COP1: variants seen among roughly 807,000 people sequenced by gnomAD.
The protein encoded by COP1 is E3 ubiquitin-protein ligase COP1.
Under a neutral mutation model 101.3 loss-of-function variants are expected in COP1, and 24 were observed. The ratio of observed to expected loss-of-function variants is 0.24; its 90% CI spans 0.17 to 0.33. COP1 has a LOEUF of 0.33. Among genes scored for constraint, COP1 ranks in the 10% least tolerant of loss-of-function variants. COP1 has a pLI of 1.00. For synonymous variants in COP1, 347 were observed against 341.9 expected (o/e 1.01, Z -0.17); for missense variants, 663 against 906.2 (o/e 0.73, Z 3.45).
intron 9 of COP1, among the ~76,000 whole-genome samples, chr1:176,100,998 A>G (rs567879119): frequency 1.1e-4 from 16 of 152,270 alleles, no homozygotes; most frequent in African/African-American, 3.9e-4. Context: ...GGTTAGTGTG[A>G]CTGATTCTTA....
intron 15 of COP1, among the ~76,000 whole-genome samples, chr1:176,015,180 G>A (rs1665406094): frequency 6.6e-6 from 1 of 152,140 alleles, no homozygotes; most frequent in South Asian, 2.1e-4. Context: ...AATGTAGGAT[G>A]AATCTAGAGA....
chr1:176,202,381 G>A (rs1296519426), intron 1 of COP1, among the ~76,000 whole-genome samples: 1 of 151,872 alleles, frequency 6.6e-6, no homozygotes, highest in Non-Finnish European at 1.5e-5. Flanking sequence ...TAGAGATGGG[G>A]TTTCGTCATG....
intron 15 of COP1, among the ~76,000 whole-genome samples, chr1:175,994,171 A>G (rs1306370081): frequency 5.3e-5 from 8 of 152,192 alleles, no homozygotes; most frequent in Non-Finnish European, 1.2e-4. Context: ...GAGAAATAAA[A>G]TACTTTACAG....
chr1:176,091,492 C>G lies in COP1; in HGVS notation c.1027-5602G>C, dbSNP rs536859873. On this transcript the variant is annotated intron_variant, in intron 9 of 19. Transcript: ENST00000367669. ...AGTGATTCTAAATATTACTATTAATCGTCATATCTAGTTTATGGGGCTTAA... is the reference window on the plus strand; with the variant it reads ...AGTGATTCTAAATATTACTATTAATGGTCATATCTAGTTTATGGGGCTTAA... Among the ~76,000 whole-genome samples the G allele has an allele frequency of 2.6e-5, 4 of 152,130 alleles. No individual in the cohort carries two copies. The East Asian group carries it at 7.7e-4, about 29-fold the overall frequency.
At chr1:175,959,247 T>C (rs1402838152) in intron 18 of COP1, among the ~76,000 whole-genome samples, 2 of 151,928 alleles carry the variant, frequency 1.3e-5, no homozygotes, top group Non-Finnish European at 2.9e-5. Context: ...AGCAGTAATA[T>C]ACTTTAGCAT....
At chr1:176,049,782 A>G (rs150002743) in intron 11 of COP1, among the ~76,000 whole-genome samples, 61 of 152,336 alleles carry the variant, frequency 4.0e-4, no homozygotes, top group Admixed American at 3.9e-3. Context: ...AAAGCTTTCT[A>G]GAACTAATAC....
intron 10 of COP1, among the ~76,000 whole-genome samples, chr1:176,083,422 C>G (rs1217218465): frequency 3.3e-5 from 5 of 151,622 alleles, no homozygotes; most frequent in African/African-American, 1.2e-4. Flanking sequence ...AACAATAAAA[C>G]TAGTTTTTTC....
intron 1 of COP1, among the ~76,000 whole-genome samples, chr1:176,196,881 CAA>C (rs1251212971): frequency 7.4e-5 from 5 of 67,800 alleles, no homozygotes; most frequent in African/African-American, 5.5e-5. Flanking sequence ...TGTCTCTACG[CAA>C]AAAAAAAAAA....
Position 176,018,522 on chromosome 1 carries a change from ACT to A in COP1, c.1729+9048_1729+9049del, listed in dbSNP as rs773417825. ...ACAAGTAGGAATCAGAACCCTTTTT[ACT>A]CTTTTTTTCTCCCTGTCTGCTTGAG... On this transcript the variant is annotated intron_variant, in intron 15 of 19. Transcript: ENST00000367669. 3.3e-5 allele frequency: 5 copies of A among 151,670 alleles called. No individual in the cohort carries two copies. In the East Asian group the frequency reaches 9.8e-4, roughly 30 times the overall value. The allele number at this position is 151,670 out of a possible 1,614,324, so 9.4% of individuals were successfully genotyped here.
intron 9 of COP1, among the ~76,000 whole-genome samples, chr1:176,104,892 T>C (rs1684053660): frequency 2.0e-5 from 3 of 152,298 alleles, no homozygotes; most frequent in Admixed American, 1.3e-4. Context: ...TGCGTACTTG[T>C]CATTATATAA....
At chr1:176,206,226 A>G (rs1700835679) in intron 1 of COP1, 1 of 282,944 alleles carries the variant, frequency 3.5e-6, no homozygotes, top group Admixed American at 5.8e-5. Context: ...TCAGAGAGGC[A>G]AAAATTTTAA....
In COP1 at chr1:176,145,212, T is replaced by TA. The variant is rs1012814951; in HGVS notation, c.831+3793dup. Among the ~76,000 whole-genome samples, 4 of 151,906 alleles carry TA rather than the reference T, an allele frequency of 2.6e-5. 1 individual carries two copies. Among genetic ancestry groups the TA allele is most frequent in the East Asian group, 3.9e-4 (2 of 5,170 alleles). On this transcript the variant is annotated intron_variant, in intron 6 of 19. Coordinates refer to ENST00000367669, the MANE Select transcript of COP1 (RefSeq NM_022457.7). ...TAAACAATTACTTCACACACAAACA[T>TA]AAAAAAACCCAAATGGCCAATCAAT... is the stretch of plus-strand genomic sequence containing the variant.
At chr1:176,099,059 TGTTAA>T (rs1399299959) in intron 9 of COP1, among the ~76,000 whole-genome samples, 1 of 152,244 alleles carries the variant, frequency 6.6e-6, no homozygotes, top group Non-Finnish European at 1.5e-5. Context: ...AAGGTTGTTA[TGTTAA>T]GTTATTGTAA....
intron 14 of COP1, among the ~76,000 whole-genome samples, chr1:176,032,118 G>T (rs979999450): frequency 4.6e-5 from 7 of 152,142 alleles, no homozygotes; most frequent in African/African-American, 1.4e-4. Context: ...ATGCTTTAAT[G>T]AGGATGTGCA....
At chr1:176,024,407 C>CA (rs900695074) in intron 15 of COP1, among the ~76,000 whole-genome samples, 6 of 151,812 alleles carry the variant, frequency 4.0e-5, no homozygotes, top group African/African-American at 1.5e-4. Flanking sequence ...TCAACAGAGG[C>CA]AAAAAAAAAG....
At chr1:176,181,810 T>C (rs974159034) in intron 2 of COP1, among the ~76,000 whole-genome samples, 1 of 151,248 alleles carries the variant, frequency 6.6e-6, no homozygotes, top group African/African-American at 2.4e-5. Flanking sequence ...GCCACTGCAC[T>C]CCAGCCTGGT....
intron 15 of COP1, among the ~76,000 whole-genome samples, chr1:176,020,255 G>C (rs765639507): frequency 6.8e-6 from 1 of 147,292 alleles, no homozygotes; most frequent in South Asian, 2.2e-4. Context: ...AAGTTGCAGT[G>C]AGCCAAGATC....
intron 18 of COP1, among the ~76,000 whole-genome samples, chr1:175,970,661 C>T (rs1236047556): frequency 1.3e-5 from 2 of 151,638 alleles, no homozygotes; most frequent in African/African-American, 2.4e-5. Context: ...TGTACTTTTT[C>T]CTATAATTTT....
chr1:175,947,423 T>G (rs1326189296), intron 18 of COP1, 184 bp from the exon 19 acceptor site: 2 of 502,594 alleles, frequency 4.0e-6, no homozygotes, highest in Non-Finnish European at 7.2e-6. Flanking sequence ...CAGGCTGGAG[T>G]GCAATGGCGC....
Sources: gnomAD v4.1 joint callset for allele counts (sites outside exome capture counted in the v4.1 genomes callset) on GRCh38, gnomAD v4.1.1 for gene constraint, MANE v1.5 for transcripts, NCBI Gene and HGNC (gene_info 2026-07-23, HGNC 2026-07-21) for gene names.